Variants in CTNND2 observed in about 807,000 individuals in gnomAD.
The protein encoded by CTNND2 is catenin delta-2.
In CTNND2, 22 loss-of-function variants were observed where a neutral mutation model predicts 144.4. That is an observed-to-expected ratio of 0.15 (90% CI 0.11 to 0.22). CTNND2 has a LOEUF of 0.22. Among genes scored for constraint, CTNND2 ranks in the 10% least tolerant of loss-of-function variants. The pLI is 1.00. For synonymous variants in CTNND2, 751 were observed against 695.6 expected, an observed-to-expected ratio of 1.08 and a Z score of -1.25; for missense variants, 1,353 against 1,618.8, an observed-to-expected ratio of 0.84 and a Z score of 2.82.
intron 16 of CTNND2, among the ~76,000 whole-genome samples, chr5:11,032,024 C>T (rs1277870457): frequency 6.6e-6 from 1 of 152,212 alleles, no homozygotes; most frequent in African/African-American, 2.4e-5. Context: ...TAAGCCAATT[C>T]TCCTTAATAA....
chr5:11,449,689 T>C (rs1378335353), intron 3 of CTNND2, among the ~76,000 whole-genome samples: 2 of 152,252 alleles, frequency 1.3e-5, no homozygotes, highest in Non-Finnish European at 2.9e-5. Flanking sequence ...GAAAGAATCC[T>C]GATTTCTTTT....
chr5:11,879,341 G>GTGTATATGTATATATA lies in CTNND2; in HGVS notation c.37+24475_37+24476insTATATATACATATACA. ...AAGTGTATTAAAAAATTAAATGTGT[G>GTGTATATGTATATATA]TATATATATATATATACATATACAC... On this transcript the variant is annotated intron_variant, in intron 1 of 21. Coordinates refer to ENST00000304623, the MANE Select transcript of CTNND2 (RefSeq NM_001332.4). Among the ~76,000 whole-genome samples the GTGTATATGTATATATA allele has an allele frequency of 5.5e-5, 6 of 109,376 alleles. No homozygotes were observed. In the East Asian group the frequency reaches 7.4e-4, roughly 14 times the overall value. The allele number at this position is 109,376 out of a possible 152,430, so 71.8% of individuals were successfully genotyped here.
At chr5:11,022,065 A>C (rs1404094138) in intron 17 of CTNND2, among the ~76,000 whole-genome samples, 2 of 152,198 alleles carry the variant, frequency 1.3e-5, no homozygotes, top group Non-Finnish European at 2.9e-5. Context: ...TTCTTATTCA[A>C]GGAGGTGCAG....
At chr5:11,667,379 A>C (rs897656884) in intron 2 of CTNND2, among the ~76,000 whole-genome samples, 3 of 152,078 alleles carry the variant, frequency 2.0e-5, no homozygotes, top group Admixed American at 6.5e-5. Context: ...TTACACTCCC[A>C]ACAACAGTGT....
At chr5:11,557,374 T>G (rs1776313269) in intron 3 of CTNND2, among the ~76,000 whole-genome samples, 1 of 152,166 alleles carries the variant, frequency 6.6e-6, no homozygotes, top group African/African-American at 2.4e-5. Context: ...AATCATCCCC[T>G]TTCAAGTTCA....
chr5:11,749,864 A>T (rs1008655445), intron 1 of CTNND2, among the ~76,000 whole-genome samples: 2 of 151,960 alleles, frequency 1.3e-5, no homozygotes, highest in Non-Finnish European at 2.9e-5. Context: ...TACCTTATTT[A>T]AAAAAATAGA....
intron 1 of CTNND2, among the ~76,000 whole-genome samples, chr5:11,810,190 T>C (rs1002265187): frequency 8.5e-5 from 13 of 152,256 alleles, no homozygotes; most frequent in Admixed American, 7.2e-4. Context: ...GTATCTACTA[T>C]AGTAGTTTTC....
intron 1 of CTNND2, among the ~76,000 whole-genome samples, chr5:11,866,874 G>T (rs1795793338): frequency 6.6e-6 from 1 of 152,132 alleles, no homozygotes; most frequent in Non-Finnish European, 1.5e-5. Flanking sequence ...CATGATTCTA[G>T]TTATCATGAA....
chr5:11,250,598 C>T (rs948228737), intron 9 of CTNND2, among the ~76,000 whole-genome samples: 5 of 149,330 alleles, frequency 3.3e-5, no homozygotes, highest in Non-Finnish European at 3.0e-5. Context: ...CTCACTGTAG[C>T]CTTGAATTCC....
chr5:11,392,074 A>T (rs1303677731), intron 6 of CTNND2, among the ~76,000 whole-genome samples: 1 of 152,220 alleles, frequency 6.6e-6, no homozygotes, highest in East Asian at 1.9e-4. Flanking sequence ...AAAGAACAAG[A>T]GAGAAAGTGA....
intron 16 of CTNND2, among the ~76,000 whole-genome samples, chr5:11,029,848 C>G (rs1211302947): frequency 6.6e-6 from 1 of 152,172 alleles, no homozygotes; most frequent in East Asian, 1.9e-4. Flanking sequence ...TTTATCTCTA[C>G]TAAGATCTTT....
chr5:11,610,942 G>T (rs1780291851), intron 2 of CTNND2, among the ~76,000 whole-genome samples: 1 of 152,150 alleles, frequency 6.6e-6, no homozygotes, highest in African/African-American at 2.4e-5. Flanking sequence ...CAAGATTTAG[G>T]ATAAAATCTA....
At chr5:11,417,175 T>G (rs555075209) in intron 3 of CTNND2, among the ~76,000 whole-genome samples, 1 of 152,150 alleles carries the variant, frequency 6.6e-6, no homozygotes, top group Non-Finnish European at 1.5e-5. Context: ...TTAGAGATAA[T>G]AAAACCAAGG....
chr5:11,551,432 C>CTTTTTTTTTTTTTTTTTTTTTTT (rs70949326), intron 3 of CTNND2, among the ~76,000 whole-genome samples: 5 of 100,920 alleles, frequency 5.0e-5, no homozygotes, highest in South Asian at 3.5e-4. Context: ...TTTCTTTTTT[C>CTTTTTTTTTTTTTTTTTTTTTTT]TTTTTTTTTT....
intron 12 of CTNND2, among the ~76,000 whole-genome samples, chr5:11,134,457 T>C (rs1403481618): frequency 6.6e-6 from 1 of 152,204 alleles, no homozygotes; most frequent in Non-Finnish European, 1.5e-5. Flanking sequence ...AGTAATCAAT[T>C]AGTAATGTTC....
At chr5:11,555,709 T>A (rs1013307876) in intron 3 of CTNND2, among the ~76,000 whole-genome samples, 4 of 150,426 alleles carry the variant, frequency 2.7e-5, no homozygotes, top group South Asian at 4.2e-4. Context: ...AGAATTAAAA[T>A]AAAAAAAAAC....
intron 1 of CTNND2, among the ~76,000 whole-genome samples, chr5:11,779,114 G>A (rs775365357): frequency 6.6e-6 from 1 of 152,096 alleles, no homozygotes; most frequent in East Asian, 1.9e-4. Context: ...CATGCATGAC[G>A]CATGGTGTAT....
intron 2 of CTNND2, among the ~76,000 whole-genome samples, chr5:11,657,094 C>A (rs1468218892): frequency 1.3e-5 from 2 of 152,078 alleles, no homozygotes; most frequent in Non-Finnish European, 1.5e-5. Context: ...TCGTGAAACA[C>A]TTCTTAAAAA....
chr5:11,017,697 T>C (rs1413111625), intron 18 of CTNND2, among the ~76,000 whole-genome samples: 1 of 151,858 alleles, frequency 6.6e-6, no homozygotes, highest in Non-Finnish European at 1.5e-5. Flanking sequence ...TAGTCTACTG[T>C]AGAATACTGA....
Sources: allele counts gnomAD v4.1 joint callset (sites outside exome capture counted in the v4.1 genomes callset), GRCh38; gene constraint gnomAD v4.1.1; transcripts MANE v1.5; gene names NCBI Gene and HGNC (gene_info 2026-07-23, HGNC 2026-07-21).